The following ARID2 variants were observed in gnomAD, a reference collection of about 807,000 sequenced individuals.
ARID2 encodes the protein AT-rich interactive domain-containing protein 2.
A neutral mutation model predicts 184.6 loss-of-function variants in ARID2; 32 were observed. The observed-to-expected ratio is 0.17, with a 90% CI of 0.13 to 0.23. The LOEUF (loss-of-function observed/expected upper bound fraction) is 0.23. Ranked by LOEUF, ARID2 falls within the 10% of genes least tolerant of loss-of-function variation. The probability of loss-of-function intolerance (pLI) is 1.00; values close to 1 mark genes in which losing one functional copy is unlikely to be tolerated. For synonymous variants in ARID2, 836 were observed against 772.6 expected, an observed-to-expected ratio of 1.08 and a Z score of -1.36; for missense variants, 1,696 against 2,197.6, an observed-to-expected ratio of 0.77 and a Z score of 4.56.
chr12:45,808,192 A>T (rs1377571744), intron 3 of ARID2, among the ~76,000 whole-genome samples: 2 of 152,224 alleles, frequency 1.3e-5, no homozygotes, highest in Non-Finnish European at 2.9e-5. Context: ...CATGTTAGGG[A>T]ATTAAATCAG....
intron 3 of ARID2, among the ~76,000 whole-genome samples, chr12:45,735,153 C>A (rs1485212151): frequency 6.6e-6 from 1 of 151,076 alleles, no homozygotes; most frequent in East Asian, 1.9e-4. Flanking sequence ...TTAAATTACA[C>A]CATTTGAGGG....
Position 45,907,704 on chromosome 12 carries a change from ATTG to A in ARID2, c.*2629_*2631del, listed in dbSNP as rs1270117771. 2 of 233,136 alleles carry A rather than the reference ATTG, an allele frequency of 8.6e-6. No homozygotes were observed. Among genetic ancestry groups the A allele is most frequent in the Admixed American group, 5.6e-5 (1 of 17,778 alleles). 14.4% of individuals were successfully genotyped at this position (233,136 alleles called of 1,614,324 possible). On this transcript the variant is annotated 3_prime_UTR_variant, in exon 21 of 21. Coordinates refer to ENST00000334344, the MANE Select transcript of ARID2 (RefSeq NM_152641.4). Reference sequence around the variant, plus strand: ...AGACAGAAACTTGCTGATTTACAGTATTGTTATTTTTGTCTAAAGTTCTGTAAA... The same window carrying A: ...AGACAGAAACTTGCTGATTTACAGTATTATTTTTGTCTAAAGTTCTGTAAA...
Position 45,892,833 on chromosome 12 carries a change from C to A in ARID2, c.5148-587C>A, listed in dbSNP as rs549403933. Among the ~76,000 whole-genome samples, 7 of 152,108 alleles carry A rather than the reference C, an allele frequency of 4.6e-5. No homozygotes were observed. The South Asian group carries it at 6.2e-4, about 14-fold the overall frequency. On this transcript the variant is annotated intron_variant, in intron 18 of 20. Coordinates refer to ENST00000334344, the MANE Select transcript of ARID2 (RefSeq NM_152641.4). ...TCTCTGCAGTTCTTCCATTCTGTAT[C>A]TTTCATAAATAACAGAACTATAGTG...
intron 3 of ARID2, among the ~76,000 whole-genome samples, chr12:45,790,883 G>C (rs540296303): frequency 6.6e-6 from 1 of 152,000 alleles, no homozygotes; most frequent in Non-Finnish European, 1.5e-5. Flanking sequence ...AGGAAATTCT[G>C]TTCCTACTTT....
intron 3 of ARID2, among the ~76,000 whole-genome samples, chr12:45,733,331 C>A (rs891432216): frequency 3.3e-5 from 5 of 152,180 alleles, no homozygotes; most frequent in African/African-American, 1.2e-4. Context: ...CTAGCTTTTA[C>A]ACCTTCCTCT....
At chr12:45,811,287 A>G in intron 3 of ARID2, 131 bp from the exon 4 acceptor site, 1 of 958,172 alleles carries the variant, frequency 1.0e-6, no homozygotes, top group Non-Finnish European at 1.5e-6. Context: ...GTTCTAATAT[A>G]AGAGGTTTAT....
intron 1 of ARID2, 25 bp downstream of exon 1, chr12:45,729,953 CGCCGGGGCGA>C (rs745921243): frequency 3.6e-5 from 57 of 1,603,278 alleles, no homozygotes; most frequent in South Asian, 1.1e-4. Flanking sequence ...GGGGGGGCAG[CGCCGGGGCGA>C]GCCGGGGCGA....
rs2138163674 is a variant in ARID2, at chr12:45,850,631, A to G, written c.2508A>G (p.Thr836=). ...CTGTGCAAACTTCATCTCAACAGAC[A>G]TCAGCTGGTAGCCAGTCACAAGATA... ...PQPVQTSSQQ[T]SAGSQSQDTV... Residue 836 remains threonine (T), a synonymous_variant, in exon 15 of 21, where the codon ACA becomes ACG. Coordinates refer to ENST00000334344, the MANE Select transcript of ARID2 (RefSeq NM_152641.4). The G allele has an allele frequency of 2.5e-6, 4 of 1,614,170 alleles. No individual in the cohort carries two copies. The highest frequency in any genetic ancestry group is 2.2e-5 in the South Asian group (2 of 91,088).
intron 3 of ARID2, among the ~76,000 whole-genome samples, chr12:45,780,977 A>G (rs552947963): frequency 1.1e-4 from 16 of 152,254 alleles, no homozygotes; most frequent in African/African-American, 2.9e-4. Context: ...AGAAAAATAT[A>G]GCATTTACTT....
intron 16 of ARID2, among the ~76,000 whole-genome samples, chr12:45,876,816 G>C (rs557248083): frequency 6.6e-6 from 1 of 150,924 alleles, no homozygotes; most frequent in Non-Finnish European, 1.5e-5. Context: ...AAGGCCGGGC[G>C]TGGTGGCTCA....
chr12:45,866,898 GGTTTT>G (rs1943839813), intron 16 of ARID2, among the ~76,000 whole-genome samples: 3 of 151,902 alleles, frequency 2.0e-5, no homozygotes, highest in Non-Finnish European at 4.4e-5. Flanking sequence ...ACATTCTGGG[GGTTTT>G]GTTTTGTTGG....
chr12:45,830,367 C>G (rs980058922), intron 6 of ARID2, among the ~76,000 whole-genome samples: 1 of 152,022 alleles, frequency 6.6e-6, no homozygotes, highest in Non-Finnish European at 1.5e-5. Context: ...TCGGGTAACT[C>G]GAGTAGTTAC....
intron 16 of ARID2, chr12:45,881,821 T>C: frequency 8.9e-6 from 2 of 223,496 alleles, no homozygotes; most frequent in Non-Finnish European, 1.8e-5. Flanking sequence ...CTGTGCCCCT[T>C]TTTTTCCCTC....
intron 15 of ARID2, among the ~76,000 whole-genome samples, chr12:45,856,459 C>CA (rs1943653124): frequency 6.6e-6 from 1 of 152,112 alleles, no homozygotes; most frequent in Non-Finnish European, 1.5e-5. Flanking sequence ...AAGGAGTAGA[C>CA]AAAATAGAGG....
chr12:45,892,964 T>C (rs948431410), intron 18 of ARID2, among the ~76,000 whole-genome samples: 1 of 152,224 alleles, frequency 6.6e-6, no homozygotes, highest in Non-Finnish European at 1.5e-5. Context: ...CCATGTTTTC[T>C]TGGATGACCA....
chr12:45,802,433 A>G (rs1476883182), intron 3 of ARID2, among the ~76,000 whole-genome samples: 1 of 152,196 alleles, frequency 6.6e-6, no homozygotes, highest in Non-Finnish European at 1.5e-5. Context: ...GAGAGAAAAT[A>G]CTTTTTAAAA....
At chr12:45,745,922 A>G (rs1297473670) in intron 3 of ARID2, among the ~76,000 whole-genome samples, 1 of 152,086 alleles carries the variant, frequency 6.6e-6, no homozygotes, top group Non-Finnish European at 1.5e-5. Flanking sequence ...AATATTCTTT[A>G]TATTAAATAT....
intron 3 of ARID2, among the ~76,000 whole-genome samples, chr12:45,794,533 C>T (rs1378768470): frequency 1.3e-5 from 2 of 152,038 alleles, no homozygotes; most frequent in African/African-American, 4.8e-5. Flanking sequence ...ACAAATAGGT[C>T]ATCATAGGAG....
At chr12:45,824,700 T>C (rs1942960735) in intron 6 of ARID2, among the ~76,000 whole-genome samples, 1 of 151,904 alleles carries the variant, frequency 6.6e-6, no homozygotes, top group Admixed American at 6.6e-5. Flanking sequence ...ATAGCCATTA[T>C]GGAAAACGGT....
Sources: gnomAD v4.1 joint callset for allele counts (sites outside exome capture counted in the v4.1 genomes callset) on GRCh38, gnomAD v4.1.1 for gene constraint, MANE v1.5 for transcripts, NCBI Gene and HGNC (gene_info 2026-07-23, HGNC 2026-07-21) for gene names.